Variants in DPP10 observed in about 807,000 individuals in gnomAD.
The protein encoded by DPP10 is dipeptidyl peptidase like 10.
Under a neutral mutation model 120.9 loss-of-function variants are expected in DPP10, and 33 were observed. The ratio of observed to expected loss-of-function variants is 0.27; its 90% CI spans 0.21 to 0.37. The LOEUF is 0.37. DPP10 is among the 10% of genes least tolerant of loss of function. The pLI, the probability that DPP10 is intolerant of heterozygous loss-of-function variation, is 1.00. For synonymous variants in DPP10, 337 were observed against 326.1 expected (o/e 1.03, Z -0.36); for missense variants, 816 against 942.8 (o/e 0.87, Z 1.76).
In DPP10 at chr2:115,159,226, G is replaced by T. The variant is rs946415181; in HGVS notation, c.61-150013G>T. Among the ~76,000 whole-genome samples the T allele has an allele frequency of 1.5e-4, 23 of 152,018 alleles. 1 individual carries two copies. On this transcript the variant is annotated intron_variant, in intron 1 of 25. Coordinates refer to ENST00000410059, the MANE Select transcript of DPP10 (RefSeq NM_020868.6). ...GTAATCCCAGCACTCTGGGAGGCCG[G>T]GGTGGGCGGATAACTAGGTCAGGAG...
At chr2:115,220,057 T>TA (rs1359718576) in intron 1 of DPP10, among the ~76,000 whole-genome samples, 1 of 152,174 alleles carries the variant, frequency 6.6e-6, no homozygotes, top group Non-Finnish European at 1.5e-5. Context: ...TCAGCTAACT[T>TA]AATCTTTACT....
intron 1 of DPP10, among the ~76,000 whole-genome samples, chr2:114,653,042 G>T (rs1401475570): frequency 6.6e-6 from 1 of 151,706 alleles, no homozygotes; most frequent in Admixed American, 6.6e-5. Flanking sequence ...GTGTGTGTGT[G>T]TGTGTGTGTG....
intron 3 of DPP10, among the ~76,000 whole-genome samples, chr2:115,435,891 G>A (rs1393223108): frequency 2.0e-5 from 3 of 151,882 alleles, no homozygotes; most frequent in Admixed American, 2.0e-4. Context: ...TAGGGGTCAA[G>A]TTTCATTCTT....
chr2:114,977,282 T>A (rs1006634084), intron 1 of DPP10, among the ~76,000 whole-genome samples: 25 of 152,294 alleles, frequency 1.6e-4, no homozygotes, highest in African/African-American at 6.0e-4. Context: ...ATATGCCATT[T>A]TTAAAATCTC....
chr2:114,784,739 G>A (rs912052953), intron 1 of DPP10, among the ~76,000 whole-genome samples: 1 of 150,882 alleles, frequency 6.6e-6, no homozygotes, highest in Non-Finnish European at 1.5e-5. Context: ...CCCATCTTGG[G>A]TTGGTTTCAA....
At chr2:115,034,049 C>A (rs1441716396) in intron 1 of DPP10, among the ~76,000 whole-genome samples, 1 of 151,678 alleles carries the variant, frequency 6.6e-6, no homozygotes, top group South Asian at 2.1e-4. Flanking sequence ...AGGCATGTAC[C>A]ACCAAGCCCA....
At chr2:115,623,055 C>T (rs1485297037) in intron 5 of DPP10, among the ~76,000 whole-genome samples, 2 of 152,000 alleles carry the variant, frequency 1.3e-5, no homozygotes, top group Non-Finnish European at 1.5e-5. Context: ...CCGTGTTAGC[C>T]AGGATGGTCT....
At chr2:114,915,847 A>G (rs781630133) in intron 1 of DPP10, among the ~76,000 whole-genome samples, 13 of 152,202 alleles carry the variant, frequency 8.5e-5, no homozygotes, top group Non-Finnish European at 1.8e-4. Flanking sequence ...AAGCAGTGTT[A>G]AGAAGAAAGT....
rs187135812 is a variant in DPP10 at position 114,948,205 on chromosome 2, T to C, written c.61-361034T>C. Among the ~76,000 whole-genome samples, 383 of 152,270 alleles carry C rather than the reference T, an allele frequency of 2.5e-3. 2 individuals are homozygous for C. Among genetic ancestry groups the C allele is most frequent in the South Asian group, 4.6e-3 (22 of 4,828 alleles). On this transcript the variant is annotated intron_variant, in intron 1 of 25. Coordinates refer to ENST00000410059, the MANE Select transcript of DPP10 (RefSeq NM_020868.6). ...TTCAGCTCACTCGTTTGTTCTTTAG[T>C]TGAATTCATTTGACAGTTCAATCCT...
chr2:114,508,275 T>G (rs1683846560), intron 1 of DPP10, among the ~76,000 whole-genome samples: 1 of 152,192 alleles, frequency 6.6e-6, no homozygotes, highest in Non-Finnish European at 1.5e-5. Flanking sequence ...ATTCTCAACC[T>G]CAGGTAACCA....
At chr2:114,802,379 G>A (rs1271128067) in intron 1 of DPP10, among the ~76,000 whole-genome samples, 1 of 152,006 alleles carries the variant, frequency 6.6e-6, no homozygotes. Flanking sequence ...ACTAAATATA[G>A]CCTGGCATTC....
At chr2:114,495,386 A>G (rs753819927) in intron 1 of DPP10, among the ~76,000 whole-genome samples, 23 of 152,180 alleles carry the variant, frequency 1.5e-4, no homozygotes, top group Non-Finnish European at 2.1e-4. Context: ...TTTTTATACT[A>G]TAAGTGATCA....
At chr2:115,639,750 T>C (rs1470564867) in intron 5 of DPP10, among the ~76,000 whole-genome samples, 1 of 152,112 alleles carries the variant, frequency 6.6e-6, no homozygotes, top group Non-Finnish European at 1.5e-5. Context: ...CCGGAATCTC[T>C]AGGGTTTTGA....
At chr2:115,092,095 A>G (rs1161621522) in intron 1 of DPP10, among the ~76,000 whole-genome samples, 9 of 152,138 alleles carry the variant, frequency 5.9e-5, no homozygotes, top group African/African-American at 1.9e-4. Flanking sequence ...TTTCTTAAGT[A>G]AAGAATTTTT....
chr2:114,599,761 A>G (rs1692215380), intron 1 of DPP10, among the ~76,000 whole-genome samples: 1 of 151,718 alleles, frequency 6.6e-6, no homozygotes, highest in Non-Finnish European at 1.5e-5. Context: ...ATAGTTCCTT[A>G]TGTATTATTT....
Position 114,545,545 on chromosome 2 carries a change from G to A in DPP10, c.60+102707G>A, listed in dbSNP as rs532058093. On this transcript the variant is annotated intron_variant, in intron 1 of 25. Coordinates refer to ENST00000410059, the MANE Select transcript of DPP10 (RefSeq NM_020868.6). Reference sequence around the variant, plus strand: ...TTCCAACTGCCTTACCTTCTTCTTAGTAACCTGATGAGTACTTCTCATGCA... The same window carrying A: ...TTCCAACTGCCTTACCTTCTTCTTAATAACCTGATGAGTACTTCTCATGCA... 2.6e-5 allele frequency among the ~76,000 whole-genome samples: 4 copies of A among 152,330 alleles called. 1 individual carries two copies. The South Asian group carries it at 8.3e-4, about 32-fold the overall frequency.
At chr2:114,765,088 G>A (rs1319925469) in intron 1 of DPP10, among the ~76,000 whole-genome samples, 1 of 152,060 alleles carries the variant, frequency 6.6e-6, no homozygotes, top group Admixed American at 6.6e-5. Context: ...TATTCCAAAG[G>A]TTATGAGGGG....
chr2:115,750,252 A>G, intron 10 of DPP10: 1 of 965,750 alleles, frequency 1.0e-6, no homozygotes, highest in South Asian at 4.8e-5. Context: ...TGAGTAAGCA[A>G]GATCAGTCAA....
At chr2:114,637,738 G>T (rs1423722800) in intron 1 of DPP10, among the ~76,000 whole-genome samples, 1 of 151,804 alleles carries the variant, frequency 6.6e-6, no homozygotes, top group East Asian at 1.9e-4. Context: ...TTATTAAATA[G>T]GGAGTCCTTT....
Sources: gnomAD v4.1 joint callset for allele counts (sites outside exome capture counted in the v4.1 genomes callset) on GRCh38, gnomAD v4.1.1 for gene constraint, MANE v1.5 for transcripts, NCBI Gene and HGNC (gene_info 2026-07-23, HGNC 2026-07-21) for gene names.